Variants in LRP1B observed in about 807,000 individuals in gnomAD.
LRP1B encodes low-density lipoprotein receptor-related protein 1B.
Under a neutral mutation model 556.6 loss-of-function variants are expected in LRP1B, and 217 were observed. That is an observed-to-expected ratio of 0.39 (90% CI 0.35 to 0.44). The LOEUF is 0.44. Among genes scored for constraint, LRP1B ranks in the 20% least tolerant of loss-of-function variants. The pLI, the probability that LRP1B is intolerant of heterozygous loss-of-function variation, is 1.00. For missense variants in LRP1B, 5,053 were observed against 5,620.8 expected, an observed-to-expected ratio of 0.90 and a Z score of 3.23; for synonymous variants, 2,047 against 1,865.8, an observed-to-expected ratio of 1.10 and a Z score of -2.50.
chr2:140,490,116 A>G (rs1032242721), intron 57 of LRP1B, among the ~76,000 whole-genome samples: 1 of 152,110 alleles, frequency 6.6e-6, no homozygotes, highest in African/African-American at 2.4e-5. Context: ...AATTTGTTTC[A>G]TCAGAATCCT....
chr2:141,485,493 G>C (rs543487463), intron 2 of LRP1B, among the ~76,000 whole-genome samples: 1 of 152,102 alleles, frequency 6.6e-6, no homozygotes, highest in Non-Finnish European at 1.5e-5. Flanking sequence ...TCAGTATTTT[G>C]TTGTTCTTTC....
chr2:140,334,520 T>A lies in LRP1B; in HGVS notation c.12156A>T (p.Ile4052=). ...GTGTACCATCCATGGCTGCTTCTTC[T>A]ATATGGGAATGATCCCCAACAACAG... ...YWTVVGDHSH[I]EEAAMDGTLR... The change falls in exon 79 of 91, where the codon ATA becomes ATT. Residue 4052 remains isoleucine (I), a synonymous_variant. Coordinates refer to ENST00000389484, the MANE Select transcript of LRP1B (RefSeq NM_018557.3). 1 of 1,603,678 alleles carries A rather than the reference T, an allele frequency of 6.2e-7. No homozygotes were observed.
chr2:142,120,379 T>C (rs1707417998), intron 1 of LRP1B, among the ~76,000 whole-genome samples: 1 of 152,228 alleles, frequency 6.6e-6, no homozygotes, highest in Non-Finnish European at 1.5e-5. Context: ...CCCAAAGTGC[T>C]GGGATTACAG....
chr2:140,689,384 C>T (rs1686160057), intron 41 of LRP1B, among the ~76,000 whole-genome samples: 1 of 152,176 alleles, frequency 6.6e-6, no homozygotes, highest in African/African-American at 2.4e-5. Context: ...ATGTCATTTC[C>T]CTTTTTTTGT....
chr2:141,282,506 T>TGTATAG (rs1685546533), intron 3 of LRP1B, among the ~76,000 whole-genome samples: 1 of 151,460 alleles, frequency 6.6e-6, no homozygotes, highest in Admixed American at 6.6e-5. Context: ...TATATGTATA[T>TGTATAG]GTATATGTAT....
At chr2:140,648,068 A>G (rs1684547565) in intron 41 of LRP1B, among the ~76,000 whole-genome samples, 1 of 152,250 alleles carries the variant, frequency 6.6e-6, no homozygotes, top group Admixed American at 6.5e-5. Context: ...GACTGGATTA[A>G]GAAAATGTGG....
At chr2:141,397,802 T>C (rs1308272119) in intron 3 of LRP1B, among the ~76,000 whole-genome samples, 1 of 150,594 alleles carries the variant, frequency 6.6e-6, no homozygotes, top group African/African-American at 2.4e-5. Flanking sequence ...CATTTTTATA[T>C]ACAATTATAT....
intron 43 of LRP1B, among the ~76,000 whole-genome samples, chr2:140,576,686 G>A (rs1326382717): frequency 2.6e-5 from 4 of 152,094 alleles, no homozygotes; most frequent in African/African-American, 9.7e-5. Flanking sequence ...TTATTGTGTA[G>A]TTCAATTGTT....
intron 6 of LRP1B, among the ~76,000 whole-genome samples, chr2:141,198,943 C>T (rs1010709552): frequency 3.9e-5 from 6 of 152,128 alleles, no homozygotes; most frequent in Admixed American, 6.6e-5. Flanking sequence ...TCTGCTATTA[C>T]GCTCCTTGTT....
intron 43 of LRP1B, among the ~76,000 whole-genome samples, chr2:140,556,080 T>C (rs1220831245): frequency 1.3e-5 from 2 of 152,112 alleles, no homozygotes; most frequent in Non-Finnish European, 2.9e-5. Context: ...GTTTGTTGTA[T>C]ACATGAGGGG....
chr2:141,695,448 G>T (rs1375934021), intron 2 of LRP1B, among the ~76,000 whole-genome samples: 1 of 151,876 alleles, frequency 6.6e-6, no homozygotes, highest in Non-Finnish European at 1.5e-5. Flanking sequence ...AGTTCTTCAT[G>T]GAGACTAAAT....
intron 1 of LRP1B, among the ~76,000 whole-genome samples, chr2:142,011,210 A>G (rs1200395614): frequency 6.6e-6 from 1 of 152,190 alleles, no homozygotes. Flanking sequence ...TCAATTTTAT[A>G]TCTCTGATAT....
intron 32 of LRP1B, among the ~76,000 whole-genome samples, chr2:140,801,425 G>A (rs181885830): frequency 9.2e-5 from 14 of 152,162 alleles, no homozygotes; most frequent in South Asian, 4.2e-4. Flanking sequence ...CAGTTTACCC[G>A]GATGTAGTGC....
intron 6 of LRP1B, among the ~76,000 whole-genome samples, chr2:141,194,833 G>C (rs770999995): frequency 4.6e-5 from 7 of 152,080 alleles, no homozygotes; most frequent in Non-Finnish European, 7.4e-5. Flanking sequence ...ATCCAGGATA[G>C]TGACATCCAG....
chr2:140,783,092 C>G (rs898614586), intron 32 of LRP1B, among the ~76,000 whole-genome samples: 1 of 152,018 alleles, frequency 6.6e-6, no homozygotes, highest in African/African-American at 2.4e-5. Flanking sequence ...AAGTTTCAAT[C>G]CAAATTAAAG....
intron 20 of LRP1B, among the ~76,000 whole-genome samples, chr2:140,930,367 A>G (rs1008288175): frequency 1.3e-5 from 2 of 152,128 alleles, no homozygotes; most frequent in African/African-American, 4.8e-5. Context: ...GGCAACTGCT[A>G]GTAGAATTTA....
chr2:140,597,897 A>G (rs1682506795), intron 43 of LRP1B, among the ~76,000 whole-genome samples: 1 of 152,108 alleles, frequency 6.6e-6, no homozygotes, highest in Admixed American at 6.5e-5. Context: ...AGTGCAGTGG[A>G]GGCATGAGGA....
At chr2:140,940,066 G>A (rs995229071) in intron 20 of LRP1B, among the ~76,000 whole-genome samples, 5 of 151,508 alleles carry the variant, frequency 3.3e-5, no homozygotes, top group Non-Finnish European at 7.4e-5. Flanking sequence ...GTATTTTTTG[G>A]TAGAGACAGG....
At chr2:141,331,450 G>GAGCC (rs1310990514) in intron 3 of LRP1B, among the ~76,000 whole-genome samples, 1 of 149,914 alleles carries the variant, frequency 6.7e-6, no homozygotes, top group Middle Eastern at 3.2e-3. Flanking sequence ...CACAGCTGAG[G>GAGCC]AGCCATGAGC....
Sources: gnomAD v4.1 joint callset for allele counts (sites outside exome capture counted in the v4.1 genomes callset) on GRCh38, gnomAD v4.1.1 for gene constraint, MANE v1.5 for transcripts, NCBI Gene and HGNC (gene_info 2026-07-23, HGNC 2026-07-21) for gene names.